CRYL1: variants seen among roughly 807,000 people sequenced by gnomAD.
CRYL1 encodes the protein lambda-crystallin homolog.
CRYL1 carries 29 observed loss-of-function variants against 36.6 expected under a neutral mutation model. That is an observed-to-expected ratio of 0.79 (90% CI 0.59 to 1.08). CRYL1 has a LOEUF of 1.08. CRYL1 is among the 50% of genes least tolerant of loss of function. The probability of loss-of-function intolerance (pLI) is 0.00; values close to 1 mark genes in which losing one functional copy is unlikely to be tolerated. For synonymous variants in CRYL1, 152 were observed against 151.5 expected (o/e 1.00, Z -0.02); for missense variants, 411 against 407.9 (o/e 1.01, Z -0.06).
At chr13:20,412,734 C>T (rs903496755) in intron 6 of CRYL1, among the ~76,000 whole-genome samples, 2 of 152,148 alleles carry the variant, frequency 1.3e-5, no homozygotes, top group Non-Finnish European at 2.9e-5. Flanking sequence ...TAATTCCCCC[C>T]AAGCCTTCTG....
intron 3 of CRYL1, among the ~76,000 whole-genome samples, chr13:20,452,298 C>T (rs1441644552): frequency 7.0e-6 from 1 of 143,700 alleles, no homozygotes; most frequent in Non-Finnish European, 1.5e-5. Flanking sequence ...AAAAAAAAAT[C>T]TACTTTAAAT....
chr13:20,416,787 G>A (rs1161904219), intron 5 of CRYL1, among the ~76,000 whole-genome samples: 6 of 152,044 alleles, frequency 3.9e-5, no homozygotes, highest in Non-Finnish European at 7.4e-5. Context: ...TTTTTGGTTT[G>A]TATCATCTGA....
At chr13:20,413,076 C>T (rs1178548152) in intron 6 of CRYL1, among the ~76,000 whole-genome samples, 4 of 152,208 alleles carry the variant, frequency 2.6e-5, no homozygotes, top group African/African-American at 9.7e-5. Flanking sequence ...CCACACGGAG[C>T]CCTGAGGTGC....
At chr13:20,432,019 T>C in intron 5 of CRYL1, 83 bp downstream of exon 5, 1 of 1,606,064 alleles carries the variant, frequency 6.2e-7, no homozygotes, top group East Asian at 2.2e-5. Flanking sequence ...GGAACAACTT[T>C]CACTGTCCTG....
intron 3 of CRYL1, among the ~76,000 whole-genome samples, chr13:20,483,370 C>T (rs1001965816): frequency 1.3e-5 from 2 of 152,022 alleles, no homozygotes; most frequent in African/African-American, 4.8e-5. Flanking sequence ...CACTCTGTCG[C>T]GCAGGCTGGA....
intron 3 of CRYL1, among the ~76,000 whole-genome samples, chr13:20,469,206 C>T (rs2033004222): frequency 6.6e-6 from 1 of 152,194 alleles, no homozygotes; most frequent in Non-Finnish European, 1.5e-5. Context: ...TGGACCACCA[C>T]ATAGGAAGAT....
intron 3 of CRYL1, among the ~76,000 whole-genome samples, chr13:20,478,500 G>A (rs1354817380): frequency 1.3e-5 from 2 of 152,106 alleles, no homozygotes; most frequent in Non-Finnish European, 2.9e-5. Context: ...TTTTGAAACA[G>A]GGTCTTACTC....
intron 6 of CRYL1, chr13:20,405,821 G>A (rs114665869): frequency 0.025 from 3,819 of 152,504 alleles, 182 homozygotes; most frequent in African/African-American, 0.088. Context: ...CGAGAATGGG[G>A]TGCGCCCAGG....
chr13:20,471,176 T>C (rs997557641), intron 3 of CRYL1, among the ~76,000 whole-genome samples: 1 of 152,078 alleles, frequency 6.6e-6, no homozygotes, highest in African/African-American at 2.4e-5. Context: ...ACGTGGCTAT[T>C]ACGGAAGTGG....
At chr13:20,418,868 C>T (rs2031733517) in intron 5 of CRYL1, 1 of 152,236 alleles carries the variant, frequency 6.6e-6, no homozygotes, top group Non-Finnish European at 1.5e-5. Context: ...CATAAGTCCA[C>T]TGTCAACTGA....
In CRYL1 at chr13:20,440,955, CAT is replaced by C. The variant is rs956468377; in HGVS notation, c.277-1203_277-1202del. Reference sequence around the variant, plus strand: ...TCCACAGGCGAGGTGTTCCCTGCCACATGAGGATGAAGAGGACACCGCCCTGC... The same window carrying C: ...TCCACAGGCGAGGTGTTCCCTGCCACGAGGATGAAGAGGACACCGCCCTGC... On this transcript the variant is annotated intron_variant, in intron 3 of 7. Transcript: ENST00000298248. 1.3e-3 allele frequency among the ~76,000 whole-genome samples: 199 copies of C among 152,300 alleles called. 4 individuals are homozygous for C. The highest frequency in any genetic ancestry group is 0.013 in the Admixed American group (196 of 15,300).
chr13:20,500,424 AG>A (rs35563109), intron 2 of CRYL1, among the ~76,000 whole-genome samples: 132,536 of 152,132 alleles, frequency 0.87, 60,364 homozygotes, highest in East Asian at 1. Context: ...ACACAGTTGA[AG>A]GAACTGGTTG....
Position 20,404,148 on chromosome 13 carries a change from C to T in CRYL1, c.941G>A (p.Ser314Asn). Reference protein sequence around the residue: ...ECLMRLAKLKSQVQPQ With the variant: ...ECLMRLAKLKNQVQPQ ...AGAAATTCACTGGGGCTGCACTTGA[C>T]TCTTCAACTTGGCGAGTCTCATGAG... Residue 314 changes from serine to asparagine, a missense_variant, in exon 8 of 8, where the codon AGT becomes AAT. Physicochemically the swap from Ser to Asn is conservative, Grantham distance 46 (BLOSUM62 1). Coordinates refer to ENST00000298248, the MANE Select transcript of CRYL1 (RefSeq NM_015974.3). The T allele has an allele frequency of 3.7e-6, 6 of 1,613,748 alleles. No individual in the cohort carries two copies. Among genetic ancestry groups the T allele is most frequent in the Non-Finnish European group, 5.1e-6 (6 of 1,179,672 alleles).
rs1046718917 is a variant in CRYL1, at chr13:20,413,447, C to G, written c.634-60G>C. ...TGTAAAAAGACAATTTCATGACCACCACTTCCATCCTAACTTCTTTAGAGC... is the reference window on the plus strand; with the variant it reads ...TGTAAAAAGACAATTTCATGACCACGACTTCCATCCTAACTTCTTTAGAGC... On this transcript the variant is annotated intron_variant, in intron 5 of 7. Transcript: ENST00000298248. 6 of 1,026,864 alleles carry G rather than the reference C, an allele frequency of 5.8e-6. No individual in the cohort carries two copies. The African/African-American group carries it at 9.5e-5, about 16-fold the overall frequency. 63.6% of individuals were successfully genotyped at this position (1,026,864 alleles called of 1,614,324 possible).
chr13:20,414,779 C>A (rs934205353), intron 5 of CRYL1, among the ~76,000 whole-genome samples: 3 of 152,206 alleles, frequency 2.0e-5, no homozygotes, highest in Non-Finnish European at 4.4e-5. Context: ...GGCAGGCAAG[C>A]GCAGATAATG....
At chr13:20,518,650 G>T (rs1213165952) in intron 1 of CRYL1, among the ~76,000 whole-genome samples, 1 of 152,154 alleles carries the variant, frequency 6.6e-6, no homozygotes, top group Non-Finnish European at 1.5e-5. Context: ...GGACATTCTA[G>T]TTGTCTTACT....
At chr13:20,503,358 G>T (rs1402067075) in intron 2 of CRYL1, among the ~76,000 whole-genome samples, 4 of 145,288 alleles carry the variant, frequency 2.8e-5, no homozygotes, top group African/African-American at 9.8e-5. Context: ...CACTCATGCG[G>T]CTTGCAATGA....
intron 3 of CRYL1, among the ~76,000 whole-genome samples, chr13:20,479,408 C>T (rs534703482): frequency 6.6e-6 from 1 of 152,098 alleles, no homozygotes; most frequent in South Asian, 2.1e-4. Flanking sequence ...ATGAACTTGC[C>T]CTGAAGAAAG....
intron 3 of CRYL1, among the ~76,000 whole-genome samples, chr13:20,486,187 C>A (rs2033396000): frequency 6.6e-6 from 1 of 152,146 alleles, no homozygotes; most frequent in Non-Finnish European, 1.5e-5. Context: ...CCCAAGAGTG[C>A]TGGGATTACA....
Sources: gnomAD v4.1 joint callset for allele counts (sites outside exome capture counted in the v4.1 genomes callset) on GRCh38, gnomAD v4.1.1 for gene constraint, MANE v1.5 for transcripts, NCBI Gene and HGNC (gene_info 2026-07-23, HGNC 2026-07-21) for gene names.